The following DLGAP2 variants were observed in gnomAD, a reference collection of about 807,000 sequenced individuals.
DLGAP2 encodes the protein disks large-associated protein 2.
A neutral mutation model predicts 100.3 loss-of-function variants in DLGAP2; 26 were observed. The observed-to-expected ratio is 0.26, with a 90% confidence interval of 0.19 to 0.36. The LOEUF is 0.36. DLGAP2 is among the 10% of genes least tolerant of loss of function. The pLI is 1.00. For synonymous variants in DLGAP2, 886 were observed against 630.1 expected, an observed-to-expected ratio of 1.41 and a Z score of -6.08; for missense variants, 1,858 against 1,453.2, an observed-to-expected ratio of 1.28 and a Z score of -4.53.
intron 14 of DLGAP2, among the ~76,000 whole-genome samples, chr8:1,697,985 G>T (rs1475271926): frequency 6.6e-6 from 1 of 152,180 alleles, no homozygotes; most frequent in East Asian, 1.9e-4. Context: ...ACCATAAATG[G>T]ATTTTTCTAG....
intron 3 of DLGAP2, among the ~76,000 whole-genome samples, chr8:1,423,806 G>C (rs1310249946): frequency 6.6e-6 from 1 of 152,208 alleles, no homozygotes; most frequent in African/African-American, 2.4e-5. Flanking sequence ...GCTTCTAGTT[G>C]TTACAGGAGA....
chr8:1,243,114 C>T (rs1366284901), intron 2 of DLGAP2, among the ~76,000 whole-genome samples: 2 of 152,278 alleles, frequency 1.3e-5, no homozygotes, highest in South Asian at 4.2e-4. Flanking sequence ...GAATATTTGT[C>T]CTTTGTGGGC....
At chr8:1,350,683 C>T (rs373065051) in intron 3 of DLGAP2, among the ~76,000 whole-genome samples, 16 of 50,356 alleles carry the variant, frequency 3.2e-4, no homozygotes, top group South Asian at 9.2e-4. Flanking sequence ...CCTGAGTGTG[C>T]GTGGAAAGGC....
chr8:1,265,932 A>G (rs945140883), intron 3 of DLGAP2, among the ~76,000 whole-genome samples: 5 of 152,252 alleles, frequency 3.3e-5, no homozygotes, highest in African/African-American at 4.8e-5. Context: ...TATAGATAAA[A>G]TCATTGTTTA....
intron 3 of DLGAP2, among the ~76,000 whole-genome samples, chr8:1,414,270 G>A: frequency 6.6e-6 from 1 of 152,246 alleles, no homozygotes; most frequent in East Asian, 1.9e-4. Context: ...GGGTTGGCAT[G>A]GCGCCCTGAG....
At chr8:1,002,121 C>A (rs1185105963) in intron 2 of DLGAP2, 5 of 152,054 alleles carry the variant, frequency 3.3e-5, no homozygotes, top group Non-Finnish European at 7.3e-5. Flanking sequence ...AGATGAAGAC[C>A]CCCAGGCCCA....
chr8:1,451,161 C>T (rs1421674015), intron 3 of DLGAP2, among the ~76,000 whole-genome samples: 2 of 152,050 alleles, frequency 1.3e-5, no homozygotes, highest in Non-Finnish European at 2.9e-5. Flanking sequence ...CATGTTCCGC[C>T]GCTGCCAGTG....
At chr8:1,649,854 T>C (rs763047200) in intron 8 of DLGAP2, among the ~76,000 whole-genome samples, 9 of 152,104 alleles carry the variant, frequency 5.9e-5, no homozygotes, top group Admixed American at 3.9e-4. Context: ...ATTTATTTGG[T>C]TTTGGAAGCC....
intron 1 of DLGAP2, among the ~76,000 whole-genome samples, chr8:771,322 G>T (rs1053013088): frequency 6.6e-6 from 1 of 152,196 alleles, no homozygotes; most frequent in Non-Finnish European, 1.5e-5. Flanking sequence ...AGGATCGAGG[G>T]ACCTCTGTGA....
chr8:1,548,130 G>A (rs1455940586), intron 4 of DLGAP2, among the ~76,000 whole-genome samples: 4 of 152,034 alleles, frequency 2.6e-5, no homozygotes, highest in African/African-American at 4.8e-5. Context: ...GGGAACATCA[G>A]TGTTTCCTCT....
chr8:1,467,999 C>G (rs988116043), intron 3 of DLGAP2, among the ~76,000 whole-genome samples: 2 of 152,252 alleles, frequency 1.3e-5, no homozygotes, highest in Non-Finnish European at 2.9e-5. Flanking sequence ...TTCTTTCAGC[C>G]TCCTGTTCTA....
At chr8:766,919 G>T (rs1426406174) in intron 1 of DLGAP2, among the ~76,000 whole-genome samples, 1 of 152,130 alleles carries the variant, frequency 6.6e-6, no homozygotes, top group African/African-American at 2.4e-5. Context: ...GACCCGGGTG[G>T]GCAACAGTGA....
chr8:1,464,235 C>CAACACCTTTCCAG, intron 3 of DLGAP2, among the ~76,000 whole-genome samples: 1 of 128,690 alleles, frequency 7.8e-6, no homozygotes, highest in East Asian at 2.4e-4. Context: ...CCTTCCAGGA[C>CAACACCTTTCCAG]GACACCCTTC....
chr8:1,317,158 G>A (rs1302526686), intron 3 of DLGAP2, among the ~76,000 whole-genome samples: 1 of 130,288 alleles, frequency 7.7e-6, no homozygotes, highest in African/African-American at 3.1e-5. Context: ...GAGAAACTCG[G>A]CAGCTTTAAA....
At chr8:963,520 A>G (rs904151943) in intron 2 of DLGAP2, among the ~76,000 whole-genome samples, 1 of 152,178 alleles carries the variant, frequency 6.6e-6, no homozygotes, top group East Asian at 1.9e-4. Flanking sequence ...ATTCATATGG[A>G]TGACTATTAA....
At chr8:1,694,400 G>A (rs999182620) in intron 13 of DLGAP2, among the ~76,000 whole-genome samples, 1 of 152,206 alleles carries the variant, frequency 6.6e-6, no homozygotes. Context: ...GAAAATGTCA[G>A]AACCCCAGCC....
chr8:1,317,523 G>C (rs373115617), intron 3 of DLGAP2, among the ~76,000 whole-genome samples: 61 of 139,002 alleles, frequency 4.4e-4, no homozygotes, highest in Admixed American at 8.4e-4. Context: ...TTTAAAAATA[G>C]AGGCTGTGCG....
intron 3 of DLGAP2, among the ~76,000 whole-genome samples, chr8:1,272,944 G>A (rs959492369): frequency 2.0e-5 from 3 of 152,158 alleles, no homozygotes; most frequent in African/African-American, 7.2e-5. Context: ...GAGCTTCTGT[G>A]CCGTGGGTTA....
chr8:1,421,670 A>G (rs1403863356), intron 3 of DLGAP2, among the ~76,000 whole-genome samples: 1 of 152,234 alleles, frequency 6.6e-6, no homozygotes, highest in Non-Finnish European at 1.5e-5. Flanking sequence ...GTTTGGCTAT[A>G]ACAAAATTCA....
Sources: gnomAD v4.1 joint callset for allele counts (sites outside exome capture counted in the v4.1 genomes callset) on GRCh38, gnomAD v4.1.1 for gene constraint, MANE v1.5 for transcripts, NCBI Gene and HGNC (gene_info 2026-07-23, HGNC 2026-07-21) for gene names.